The following ZDHHC2 variants were observed in gnomAD, a reference collection of about 807,000 sequenced individuals.
ZDHHC2 encodes palmitoyltransferase ZDHHC2.
In ZDHHC2, 51 loss-of-function variants were observed where a neutral mutation model predicts 55.6. The observed-to-expected ratio is 0.92, with a 90% CI of 0.73 to 1.16. The LOEUF is 1.16. ZDHHC2 is among the 50% of genes most tolerant of loss of function. The pLI, the probability that ZDHHC2 is intolerant of heterozygous loss-of-function variation, is 0.00. For missense variants in ZDHHC2, 491 were observed against 442.4 expected, an observed-to-expected ratio of 1.11 and a Z score of -0.99; for synonymous variants, 199 against 152.9, an observed-to-expected ratio of 1.30 and a Z score of -2.22.
At position 17,175,192 on chromosome 8, in the gene ZDHHC2, C is replaced by A. The variant is rs555263803; in HGVS notation, c.131-9597C>A. Among the ~76,000 whole-genome samples the A allele has an allele frequency of 1.8e-3, 280 of 152,198 alleles. 1 individual carries two copies. The highest frequency in any genetic ancestry group is 3.4e-3 in the Middle Eastern group (1 of 292). ...ACTCCATAGGGCGTTGGCATAGGAC[C>A]AATGCATGCCAAGCCCTGTTAGAAT... On this transcript the variant is annotated intron_variant, in intron 1 of 12. Coordinates refer to ENST00000262096, the MANE Select transcript of ZDHHC2 (RefSeq NM_016353.5).
intron 1 of ZDHHC2, among the ~76,000 whole-genome samples, chr8:17,181,025 A>T (rs1279257596): frequency 7.2e-5 from 11 of 152,194 alleles, no homozygotes; most frequent in Middle Eastern, 3.2e-3. Context: ...CTCTCTTTAG[A>T]GAAGTGTTTT....
Position 17,197,578 on chromosome 8 carries a change from C to G in ZDHHC2, c.374-4C>G, listed in dbSNP as rs780649582. On this transcript the variant is annotated splice_polypyrimidine_tract_variant and splice_region_variant and intron_variant, in intron 4 of 12. Transcript: ENST00000262096. Reference sequence around the variant, plus strand: ...TAAGACTAAGTGGAGCTTTTTGTCCCTAGCCATCCGATACTGTGACAGATG... The same window carrying G: ...TAAGACTAAGTGGAGCTTTTTGTCCGTAGCCATCCGATACTGTGACAGATG... The G allele has an allele frequency of 1.2e-6, 2 of 1,612,748 alleles. No homozygotes were observed. Among genetic ancestry groups the G allele is most frequent in the East Asian group, 2.2e-5 (1 of 44,854 alleles).
intron 8 of ZDHHC2, 111 bp downstream of exon 8, chr8:17,208,203 A>T: frequency 1.8e-6 from 2 of 1,112,558 alleles, no homozygotes; most frequent in Non-Finnish European, 2.4e-6. Context: ...GGGAAAAGTC[A>T]TTCTTATTTT....
intron 1 of ZDHHC2, among the ~76,000 whole-genome samples, chr8:17,180,840 A>G (rs1454214548): frequency 6.6e-6 from 1 of 152,212 alleles, no homozygotes; most frequent in Non-Finnish European, 1.5e-5. Context: ...AAATTCAACT[A>G]TAAAAAAGTA....
rs1808058589 is a variant in ZDHHC2 at position 17,224,728 on chromosome 8, T to G, written c.*4507T>G. ...GCAAGGCTATTTTGTCAGTTTAGAT[T>G]TTGTGTCTTTTTCTGTCAGTATGTA... On this transcript the variant is annotated 3_prime_UTR_variant, in exon 13 of 13. Transcript: ENST00000262096. 6.6e-6 allele frequency: 1 copy of G among 151,942 alleles called. No individual in the cohort carries two copies. Among genetic ancestry groups the G allele is most frequent in the Non-Finnish European group, 1.5e-5 (1 of 67,746 alleles). 9.4% of individuals were successfully genotyped at this position (151,942 alleles called of 1,614,324 possible).
intron 3 of ZDHHC2, among the ~76,000 whole-genome samples, chr8:17,191,343 C>A (rs1278642956): frequency 1.3e-5 from 2 of 152,150 alleles, no homozygotes; most frequent in Non-Finnish European, 2.9e-5. Context: ...GTGATCCACT[C>A]GCCTTGGCCT....
At chr8:17,184,575 G>T (rs1029907092) in intron 1 of ZDHHC2, among the ~76,000 whole-genome samples, 1 of 152,224 alleles carries the variant, frequency 6.6e-6, no homozygotes, top group Admixed American at 6.5e-5. Flanking sequence ...GCTGAAGTGC[G>T]CAATGGAGGC....
intron 3 of ZDHHC2, among the ~76,000 whole-genome samples, chr8:17,187,473 G>T (rs1165163125): frequency 6.6e-6 from 1 of 151,964 alleles, no homozygotes; most frequent in African/African-American, 2.4e-5. Flanking sequence ...ATGCAACTTT[G>T]GTCAAAAAAG....
At chr8:17,165,335 C>T (rs1300382319) in intron 1 of ZDHHC2, among the ~76,000 whole-genome samples, 1 of 152,194 alleles carries the variant, frequency 6.6e-6, no homozygotes, top group African/African-American at 2.4e-5. Context: ...GCCAGGGCAT[C>T]TTCAGAGAGG....
At chr8:17,167,740 A>G (rs1804674089) in intron 1 of ZDHHC2, among the ~76,000 whole-genome samples, 2 of 152,230 alleles carry the variant, frequency 1.3e-5, no homozygotes, top group African/African-American at 4.8e-5. Context: ...GATAAATTAT[A>G]TGTGTAATAG....
At chr8:17,211,473 G>GT (rs1480396115) in intron 10 of ZDHHC2, among the ~76,000 whole-genome samples, 1 of 151,780 alleles carries the variant, frequency 6.6e-6, no homozygotes, top group Non-Finnish European at 1.5e-5. Flanking sequence ...TTTTGTTGTT[G>GT]TTGTTTGTTT....
At chr8:17,216,499 T>C (rs1807656568) in intron 11 of ZDHHC2, among the ~76,000 whole-genome samples, 1 of 152,204 alleles carries the variant, frequency 6.6e-6, no homozygotes, top group Non-Finnish European at 1.5e-5. Flanking sequence ...AGGCATTGCC[T>C]AAACAAAAGT....
At chr8:17,216,384 A>G (rs1807650135) in intron 11 of ZDHHC2, among the ~76,000 whole-genome samples, 1 of 152,180 alleles carries the variant, frequency 6.6e-6, no homozygotes, top group Non-Finnish European at 1.5e-5. Context: ...ATCTTTAAGA[A>G]ATATATTTGC....
chr8:17,172,450 TG>T (rs1804906017), intron 1 of ZDHHC2, among the ~76,000 whole-genome samples: 1 of 152,188 alleles, frequency 6.6e-6, no homozygotes, highest in Non-Finnish European at 1.5e-5. Flanking sequence ...GGGAGTGGGC[TG>T]CAGTTTAGTG....
At position 17,156,696 on chromosome 8, in the gene ZDHHC2, G is replaced by A; in HGVS notation, c.-28G>A. 4 of 1,380,062 alleles carry A rather than the reference G, an allele frequency of 2.9e-6. No homozygotes were observed. The highest frequency in any genetic ancestry group is 3.4e-5 in the East Asian group (1 of 29,758). The allele number at this position is 1,380,062 out of a possible 1,614,324, so 85.5% of individuals were successfully genotyped here. ...GGAGCCAGGCCCGCGGGCGGCGGCGGAGCTGGGCAGGTGGATGCGGCTGGA... is the reference window on the plus strand; with the variant it reads ...GGAGCCAGGCCCGCGGGCGGCGGCGAAGCTGGGCAGGTGGATGCGGCTGGA... On this transcript the variant is annotated 5_prime_UTR_variant, in exon 1 of 13. Transcript: ENST00000262096.
chr8:17,207,439 T>C (rs1203551432), intron 7 of ZDHHC2, among the ~76,000 whole-genome samples: 2 of 151,336 alleles, frequency 1.3e-5, no homozygotes, highest in Admixed American at 1.3e-4. Flanking sequence ...TAAGATAGCT[T>C]GAAGCATTAT....
intron 11 of ZDHHC2, 73 bp downstream of exon 11, chr8:17,215,422 C>A: frequency 8.8e-7 from 1 of 1,133,698 alleles, no homozygotes; most frequent in Non-Finnish European, 1.3e-6. Context: ...AAAAAAAATC[C>A]ATTATACTAC....
rs1806566009 is a variant in ZDHHC2 at position 17,199,546 on chromosome 8, T to TTC, written c.476+1133_476+1134insTC. 7.5e-3 allele frequency among the ~76,000 whole-genome samples: 303 copies of TTC among 40,584 alleles called. 1 individual carries two copies. The highest frequency in any genetic ancestry group is 0.014 in the Non-Finnish European group (226 of 16,350). The allele number at this position is 40,584 out of a possible 152,430, so 26.6% of individuals were successfully genotyped here. On this transcript the variant is annotated intron_variant, in intron 6 of 12. Coordinates refer to ENST00000262096, the MANE Select transcript of ZDHHC2 (RefSeq NM_016353.5). Reference sequence around the variant, plus strand: ...GTCTTCGTCTTCTGTCTTCGTCTTCTGTCTTCGTCTTCGTCTTCTTCGTCT... The same window carrying TTC: ...GTCTTCGTCTTCTGTCTTCGTCTTCTTCGTCTTCGTCTTCGTCTTCTTCGTCT...
At chr8:17,157,618 A>T (rs1452963507) in intron 1 of ZDHHC2, 1 of 152,226 alleles carries the variant, frequency 6.6e-6, no homozygotes, top group Non-Finnish European at 1.5e-5. Context: ...TTTTTTAAAA[A>T]GTTGATTATT....
Sources: gnomAD v4.1 joint callset for allele counts (sites outside exome capture counted in the v4.1 genomes callset) on GRCh38, gnomAD v4.1.1 for gene constraint, MANE v1.5 for transcripts, NCBI Gene and HGNC (gene_info 2026-07-23, HGNC 2026-07-21) for gene names.